The following HNMT variants were observed in gnomAD, a reference collection of about 807,000 sequenced individuals.
The protein encoded by HNMT is histamine N-methyltransferase.
A neutral mutation model predicts 32.1 loss-of-function variants in HNMT; 30 were observed. That is an observed-to-expected ratio of 0.93 (90% CI 0.70 to 1.27). The LOEUF is 1.27. HNMT is among the 50% of genes most tolerant of loss of function. The pLI is 0.00. For synonymous variants in HNMT, 125 were observed against 119.0 expected, an observed-to-expected ratio of 1.05 and a Z score of -0.33; for missense variants, 327 against 346.0, an observed-to-expected ratio of 0.95 and a Z score of 0.43.
At chr2:138,007,327 T>G (rs1681358440) in intron 5 of HNMT, among the ~76,000 whole-genome samples, 1 of 151,958 alleles carries the variant, frequency 6.6e-6, no homozygotes. Context: ...AATAAATAAA[T>G]TAAATATAAG....
intron 2 of HNMT, among the ~76,000 whole-genome samples, chr2:137,974,479 C>T (rs1305053865): frequency 1.3e-5 from 2 of 152,022 alleles, no homozygotes; most frequent in Non-Finnish European, 2.9e-5. Context: ...AAAAAAGAAA[C>T]CCATATTCTT....
At chr2:137,979,990 T>G (rs918008325) in intron 2 of HNMT, among the ~76,000 whole-genome samples, 2 of 151,994 alleles carry the variant, frequency 1.3e-5, no homozygotes, top group Admixed American at 1.3e-4. Context: ...CACAAGTGTG[T>G]TTTCCTGACA....
rs143806162 is a variant in HNMT, at chr2:137,999,235, C to T, written c.191-1683C>T. Among the ~76,000 whole-genome samples, 372 of 152,196 alleles carry T rather than the reference C, an allele frequency of 2.4e-3. 4 individuals are homozygous for T. Among genetic ancestry groups the T allele is most frequent in the African/African-American group, 8.5e-3 (354 of 41,520 alleles). On this transcript the variant is annotated intron_variant, in intron 2 of 5. Transcript: ENST00000280097. ...TGCTGTCAGGATTAATGAGATGTTC[C>T]AGGTAAAAAGCCTAGCACAGTGTTT... is the stretch of plus-strand genomic sequence containing the variant.
At chr2:137,992,608 G>C (rs758310129) in intron 2 of HNMT, among the ~76,000 whole-genome samples, 5 of 152,168 alleles carry the variant, frequency 3.3e-5, no homozygotes, top group Non-Finnish European at 7.4e-5. Context: ...AGTCTCTGTG[G>C]ACCAGCAGAC....
intron 2 of HNMT, among the ~76,000 whole-genome samples, chr2:137,998,500 T>A (rs1208637534): frequency 6.6e-6 from 1 of 152,148 alleles, no homozygotes; most frequent in Non-Finnish European, 1.5e-5. Flanking sequence ...AGATTTTACG[T>A]TCTAATTGAC....
chr2:137,972,369 G>C (rs900877586), intron 2 of HNMT, among the ~76,000 whole-genome samples: 1 of 152,090 alleles, frequency 6.6e-6, no homozygotes, highest in African/African-American at 2.4e-5. Flanking sequence ...GCCTCCCAAA[G>C]TGCTGAGATT....
At chr2:137,965,606 T>C (rs1467253567) in intron 1 of HNMT, among the ~76,000 whole-genome samples, 1 of 152,170 alleles carries the variant, frequency 6.6e-6, no homozygotes, top group African/African-American at 2.4e-5. Flanking sequence ...AAAAATAGGA[T>C]ATTATATATT....
chr2:137,982,601 C>A (rs184419187), intron 2 of HNMT, among the ~76,000 whole-genome samples: 1 of 152,154 alleles, frequency 6.6e-6, no homozygotes, highest in East Asian at 1.9e-4. Flanking sequence ...CCAGCATATT[C>A]TGTTTGGTAG....
chr2:137,977,411 T>A (rs1442450783), intron 2 of HNMT, among the ~76,000 whole-genome samples: 3 of 152,166 alleles, frequency 2.0e-5, no homozygotes, highest in African/African-American at 7.2e-5. Flanking sequence ...TGTAGGTGAC[T>A]TGTTGTTATC....
intron 1 of HNMT, among the ~76,000 whole-genome samples, chr2:137,968,113 T>C (rs985838182): frequency 2.6e-5 from 4 of 152,190 alleles, no homozygotes; most frequent in African/African-American, 9.7e-5. Flanking sequence ...AGATGATTTG[T>C]TTCCCTATAG....
At chr2:138,008,878 C>T (rs907332462) in intron 5 of HNMT, among the ~76,000 whole-genome samples, 1 of 151,932 alleles carries the variant, frequency 6.6e-6, no homozygotes, top group Non-Finnish European at 1.5e-5. Flanking sequence ...GACAAAGACA[C>T]TAAAATCAAT....
chr2:137,993,219 A>C (rs551033557), intron 2 of HNMT, among the ~76,000 whole-genome samples: 21 of 152,300 alleles, frequency 1.4e-4, no homozygotes, highest in African/African-American at 4.8e-4. Context: ...AAATTGACAG[A>C]AGTAGGCTTC....
intron 2 of HNMT, chr2:137,981,733 A>G (rs113317692): frequency 0.016 from 3,308 of 211,608 alleles, 111 homozygotes; most frequent in African/African-American, 0.07. Context: ...AACATAAACC[A>G]TGTTATACCC....
intron 1 of HNMT, among the ~76,000 whole-genome samples, chr2:137,969,341 T>C (rs894413152): frequency 6.6e-6 from 1 of 152,216 alleles, no homozygotes; most frequent in Non-Finnish European, 1.5e-5. Flanking sequence ...TGATGATGAT[T>C]CTCCAGAATA....
chr2:138,006,091 T>TAGAG (rs997107812), intron 5 of HNMT, among the ~76,000 whole-genome samples: 3 of 151,956 alleles, frequency 2.0e-5, no homozygotes, highest in African/African-American at 7.2e-5. Context: ...AGTTTGGCAA[T>TAGAG]AGAGAGCTCC....
chr2:137,983,203 T>C (rs1252389133), intron 2 of HNMT, among the ~76,000 whole-genome samples: 2 of 152,146 alleles, frequency 1.3e-5, no homozygotes, highest in African/African-American at 2.4e-5. Flanking sequence ...TACACAGACT[T>C]GCCCAAGGGG....
chr2:138,001,859 T>C (rs1388366667), intron 3 of HNMT, among the ~76,000 whole-genome samples: 2 of 152,114 alleles, frequency 1.3e-5, no homozygotes, highest in African/African-American at 2.4e-5. Context: ...TATTTCTTCC[T>C]GACTCTTTCT....
intron 2 of HNMT, among the ~76,000 whole-genome samples, chr2:138,000,635 T>A (rs1442980260): frequency 6.6e-6 from 1 of 152,050 alleles, no homozygotes; most frequent in African/African-American, 2.4e-5. Flanking sequence ...AAGGGTTAAT[T>A]TCCTTCTACA....
intron 5 of HNMT, among the ~76,000 whole-genome samples, chr2:138,006,565 G>C (rs1466943814): frequency 1.3e-5 from 2 of 151,988 alleles, no homozygotes; most frequent in Non-Finnish European, 2.9e-5. Context: ...AAGGGAGCAT[G>C]AATAGTCCAC....
Sources: gnomAD v4.1 joint callset for allele counts (sites outside exome capture counted in the v4.1 genomes callset) on GRCh38, gnomAD v4.1.1 for gene constraint, MANE v1.5 for transcripts, NCBI Gene and HGNC (gene_info 2026-07-23, HGNC 2026-07-21) for gene names.